The following FILIP1 variants were observed in gnomAD, a reference collection of about 807,000 sequenced individuals.
FILIP1 encodes the protein filamin-A-interacting protein 1.
FILIP1 carries 61 observed loss-of-function variants against 102.1 expected under a neutral mutation model. The observed-to-expected ratio is 0.60, with a 90% CI of 0.49 to 0.74. The LOEUF (loss-of-function observed/expected upper bound fraction) is 0.74, where lower values mean the gene tolerates loss of function less well. Among genes scored for constraint, FILIP1 ranks in the 30% least tolerant of loss-of-function variants. FILIP1 has a pLI of 0.00. For missense variants in FILIP1, 1,314 were observed against 1,441.2 expected (o/e 0.91, Z 1.43); for synonymous variants, 491 against 526.9 (o/e 0.93, Z 0.93).
At chr6:75,491,854 A>T (rs1779966955) in intron 1 of FILIP1, among the ~76,000 whole-genome samples, 1 of 152,220 alleles carries the variant, frequency 6.6e-6, no homozygotes, top group Non-Finnish European at 1.5e-5. Flanking sequence ...ACAGGGCCAA[A>T]TGCTGCACTT....
chr6:75,377,383 A>G (rs982005980), intron 2 of FILIP1, among the ~76,000 whole-genome samples: 3 of 152,204 alleles, frequency 2.0e-5, no homozygotes, highest in Non-Finnish European at 4.4e-5. Flanking sequence ...CCCTTTCAAT[A>G]TATTGGACCA....
chr6:75,351,677 C>T (rs1462308932), intron 4 of FILIP1, among the ~76,000 whole-genome samples: 1 of 152,152 alleles, frequency 6.6e-6, no homozygotes, highest in East Asian at 1.9e-4. Flanking sequence ...TGCCATATAG[C>T]CTAGGTGTGC....
At chr6:75,346,496 A>G (rs1042058335) in intron 4 of FILIP1, among the ~76,000 whole-genome samples, 1 of 152,170 alleles carries the variant, frequency 6.6e-6, no homozygotes, top group Non-Finnish European at 1.5e-5. Flanking sequence ...GGCATTTTTA[A>G]TGGTCTCCTT....
rs1276588702 is a variant in FILIP1, at chr6:75,403,665, G to GA, written c.276+11031dup. 2.6e-5 allele frequency among the ~76,000 whole-genome samples: 4 copies of GA among 152,188 alleles called. No homozygotes were observed. The East Asian group carries it at 7.7e-4, about 29-fold the overall frequency. ...TTTTAAGATTGTATGTGAGTATGGG[G>GA]AAAAAATGTAGAGACTGCCTGATTA... is the stretch of plus-strand genomic sequence containing the variant. On this transcript the variant is annotated intron_variant, in intron 2 of 5. Transcript: ENST00000237172.
At chr6:75,308,055 G>C, downstream of FILIP1, 1 of 985,754 alleles carries the variant, frequency 1.0e-6, no homozygotes, top group Non-Finnish European at 1.2e-6. Context: ...AATACACACA[G>C]ACACACACAA....
At chr6:75,439,041 A>T (rs1025076237) in intron 1 of FILIP1, among the ~76,000 whole-genome samples, 4 of 152,246 alleles carry the variant, frequency 2.6e-5, no homozygotes, top group Non-Finnish European at 5.9e-5. Context: ...ATAACCTCTA[A>T]TGAAATGTCT....
At chr6:75,296,173 C>T (rs1283394646) in intron 6 of FILIP1, among the ~76,000 whole-genome samples, 1 of 152,076 alleles carries the variant, frequency 6.6e-6, no homozygotes, top group Admixed American at 6.6e-5. Flanking sequence ...CTACGTCTAA[C>T]GTTCTGACAA....
At chr6:75,487,527 T>G (rs560999268) in intron 1 of FILIP1, among the ~76,000 whole-genome samples, 4 of 152,190 alleles carry the variant, frequency 2.6e-5, no homozygotes, top group Non-Finnish European at 5.9e-5. Context: ...TTCCCATTAT[T>G]GTGTCATCTA....
exon 7 of FILIP1, chr6:75,293,160 A>G (rs1338344729): frequency 6.6e-6 from 1 of 152,220 alleles, no homozygotes; most frequent in Admixed American, 6.5e-5. Flanking sequence ...GATTAGTTCA[A>G]TTGTACCTTG....
intron 4 of FILIP1, among the ~76,000 whole-genome samples, chr6:75,340,522 CTATA>C (rs1457561028): frequency 6.6e-6 from 1 of 152,160 alleles, no homozygotes; most frequent in Non-Finnish European, 1.5e-5. Flanking sequence ...GTTTTTATAC[CTATA>C]TAATCTATCT....
Position 75,314,189 on chromosome 6 carries a change from A to G in FILIP1, c.1643T>C (p.Ile548Thr). Residue 548 changes from isoleucine (I) to threonine (T), a missense_variant, in exon 5 of 6, where the codon ATT becomes ACT. By Grantham distance (89) the Ile-to-Thr change is moderately conservative. This residue lies in a region of FILIP1 where 816 missense variants were observed against 913.1 expected (regional missense o/e 0.89). Transcript: ENST00000237172. ...TTTTAAAAGTTTCTTACTTTCTTCA[A>G]TTAGTTTTTCAGTTACATCCATAAC... is the stretch of plus-strand genomic sequence containing the variant. ...GKVMDVTEKLIEESKKLLKLK... is the reference protein window; with the variant it reads ...GKVMDVTEKLTEESKKLLKLK... The G allele has an allele frequency of 6.4e-7, 1 of 1,553,224 alleles. No individual in the cohort carries two copies. The highest frequency in any genetic ancestry group is 8.6e-7 in the Non-Finnish European group (1 of 1,161,194).
chr6:75,295,327 T>C (rs1014022547), exon 7 of FILIP1: 3 of 152,220 alleles, frequency 2.0e-5, no homozygotes, highest in Non-Finnish European at 2.9e-5. Context: ...AGTCAGAGCA[T>C]TATTTGTTAG....
rs1411181221 is a variant in FILIP1, at chr6:75,299,131, T to A, written c.3494-3181A>T. Among the ~76,000 whole-genome samples the A allele has an allele frequency of 3.3e-5, 5 of 152,084 alleles. No homozygotes were observed. In the East Asian group the frequency reaches 9.6e-4, roughly 29 times the overall value. The stretch of plus-strand genomic sequence containing the variant: ...TCCTGTCTTTTTGTATATAGTACAA[T>A]AAAATAATGTTATAAATCTTATTGA... On this transcript the variant is annotated intron_variant, in intron 6 of 6. Transcript: ENST00000393004.
At chr6:75,398,250 T>A (rs1776532880) in intron 2 of FILIP1, 1 of 152,230 alleles carries the variant, frequency 6.6e-6, no homozygotes, top group South Asian at 2.1e-4. Context: ...GACAGCCATA[T>A]GATATGAGTC....
chr6:75,449,360 T>C (rs1778546758), intron 1 of FILIP1, among the ~76,000 whole-genome samples: 1 of 152,128 alleles, frequency 6.6e-6, no homozygotes, highest in Non-Finnish European at 1.5e-5. Flanking sequence ...GATAAAAGAC[T>C]GCATTTTGGG....
chr6:75,464,503 G>A (rs897146577), intron 1 of FILIP1, among the ~76,000 whole-genome samples: 2 of 152,290 alleles, frequency 1.3e-5, no homozygotes, highest in East Asian at 1.9e-4. Flanking sequence ...TTTTGTAAAT[G>A]TTTGCAAAGC....
chr6:75,303,620 TA>T (rs1242287027), downstream of FILIP1, among the ~76,000 whole-genome samples: 1 of 151,656 alleles, frequency 6.6e-6, no homozygotes, highest in Non-Finnish European at 1.5e-5. Context: ...TGCAGGGGAG[TA>T]AAAACTTTAT....
intron 4 of FILIP1, among the ~76,000 whole-genome samples, chr6:75,342,996 C>CTG (rs1357123852): frequency 1.3e-5 from 2 of 152,314 alleles, no homozygotes; most frequent in East Asian, 3.9e-4. Context: ...AATCCATATG[C>CTG]TGAAGCCCTA....
At chr6:75,324,577 T>G (rs1199174014) in intron 4 of FILIP1, among the ~76,000 whole-genome samples, 2 of 152,106 alleles carry the variant, frequency 1.3e-5, no homozygotes, top group Non-Finnish European at 2.9e-5. Flanking sequence ...TTCACAGAAC[T>G]AGAAAAAACA....
Sources: gnomAD v4.1 joint callset for allele counts (sites outside exome capture counted in the v4.1 genomes callset) on GRCh38, gnomAD v4.1.1 for gene constraint, gnomAD v4.1.1 regional missense constraint, MANE v1.5 for transcripts, NCBI Gene and HGNC (gene_info 2026-07-23, HGNC 2026-07-21) for gene names.